Variants in ANKRD30BL observed in about 807,000 individuals in gnomAD.
ANKRD30BL encodes the protein ankyrin repeat domain 30B like.
A neutral mutation model predicts 18.4 loss-of-function variants in ANKRD30BL; 20 were observed. The ratio of observed to expected loss-of-function variants is 1.09; its 90% CI spans 0.77 to 1.58. The LOEUF is 1.58. ANKRD30BL is among the 40% of genes most tolerant of loss of function. The pLI, the probability that ANKRD30BL is intolerant of heterozygous loss-of-function variation, is 0.00. For synonymous variants in ANKRD30BL, 72 were observed against 100.9 expected, an observed-to-expected ratio of 0.71 and a Z score of 1.72; for missense variants, 224 against 268.6, an observed-to-expected ratio of 0.83 and a Z score of 1.16.
intron 1 of ANKRD30BL, among the ~76,000 whole-genome samples, chr2:132,185,033 C>T (rs1250199860): frequency 2.0e-5 from 3 of 152,064 alleles, no homozygotes; most frequent in Non-Finnish European, 4.4e-5. Flanking sequence ...AGGATGGACT[C>T]GATCTCCTGA....
intron 1 of ANKRD30BL, among the ~76,000 whole-genome samples, chr2:132,189,797 A>G (rs1384686984): frequency 6.6e-6 from 1 of 152,218 alleles, no homozygotes; most frequent in Non-Finnish European, 1.5e-5. Context: ...GTTCAGTTCA[A>G]TTTATAAATT....
In ANKRD30BL at chr2:132,224,083, G is replaced by A. The variant is rs570583025; in HGVS notation, n.441+33446C>T. 6.6e-4 allele frequency among the ~76,000 whole-genome samples: 101 copies of A among 152,172 alleles called. 1 individual carries two copies. Among genetic ancestry groups the A allele is most frequent in the Non-Finnish European group, 1.1e-3 (76 of 68,008 alleles). ...TTGAAACTCTCTTTTTTTAGAATCG[G>A]CAAGAGGATATTTGTGCTGTTTTGA... On this transcript the variant is annotated intron_variant and non_coding_transcript_variant, in intron 1 of 4. Coordinates refer to the ANKRD30BL transcript ENST00000470729.
intron 1 of ANKRD30BL, among the ~76,000 whole-genome samples, chr2:132,223,727 C>CT (rs1013339153): frequency 9.9e-5 from 15 of 151,986 alleles, no homozygotes; most frequent in Non-Finnish European, 1.9e-4. Context: ...TTGAAACACT[C>CT]TTTTTGCAGA....
At chr2:132,237,852 C>T (rs1243090366) in intron 1 of ANKRD30BL, among the ~76,000 whole-genome samples, 1 of 152,036 alleles carries the variant, frequency 6.6e-6, no homozygotes, top group African/African-American at 2.4e-5. Context: ...ACTTAACTCA[C>T]AGAGTTGAAC....
intron 1 of ANKRD30BL, among the ~76,000 whole-genome samples, chr2:132,209,555 TGTGATG>T (rs1342417953): frequency 1.3e-5 from 2 of 152,196 alleles, no homozygotes; most frequent in Non-Finnish European, 2.9e-5. Context: ...GAAACTTCTT[TGTGATG>T]TGTGCATTCA....
rs183115956 is a variant in ANKRD30BL at position 132,175,269 on chromosome 2, G to A, written n.442-18123C>T. 6.5e-3 allele frequency among the ~76,000 whole-genome samples: 994 copies of A among 151,842 alleles called. 9 individuals are homozygous for A. The highest frequency in any genetic ancestry group is 0.015 in the African/African-American group (611 of 41,374). ...CAGGGTGATAATAGGGAGAAGGTCA[G>A]CAAAAAAACATGTGAGCAGAAGAAT... On this transcript the variant is annotated intron_variant and non_coding_transcript_variant, in intron 1 of 4. Transcript: ENST00000470729.
At chr2:132,159,288 T>A (rs1229817029) in intron 1 of ANKRD30BL, among the ~76,000 whole-genome samples, 1 of 152,138 alleles carries the variant, frequency 6.6e-6, no homozygotes, top group Non-Finnish European at 1.5e-5. Flanking sequence ...TTTATAAAAG[T>A]CATTATATGA....
intron 1 of ANKRD30BL, among the ~76,000 whole-genome samples, chr2:132,233,304 C>T (rs1292006484): frequency 6.7e-6 from 1 of 149,822 alleles, no homozygotes; most frequent in Non-Finnish European, 1.5e-5. Flanking sequence ...CAGCTAACAT[C>T]ATAATGACAG....
At chr2:132,175,554 G>A (rs1688353200) in intron 1 of ANKRD30BL, among the ~76,000 whole-genome samples, 1 of 152,344 alleles carries the variant, frequency 6.6e-6, no homozygotes, top group African/African-American at 2.4e-5. Flanking sequence ...TCAACTGCAA[G>A]AGGCTTTCCT....
chr2:132,161,677 T>G lies in ANKRD30BL; in HGVS notation c.29A>C (p.Lys10Thr), dbSNP rs984324001. The change falls in exon 1 of 6, where the codon AAG (lysine) becomes ACG (threonine). Residue 10 changes from lysine (K) to threonine (T), a missense_variant. Around this residue, in one of 3 missense-constraint regions of ANKRD30BL, gnomAD observed 131 missense variants for 128.8 expected, o/e 1.02. Coordinates refer to ENST00000409867, the MANE Select transcript of ANKRD30BL (RefSeq NM_001358416.1). The part of the protein sequence containing the change: MERLSAAPV[K>T]GQTGPERPSP... ...CGGGCGCTCTGGGCCCGTCTGGCCC[T>G]TGACAGGGGCGGCAGAGAGCCTCTC... is the stretch of plus-strand genomic sequence containing the variant. 6.9e-7 allele frequency: 1 copy of G among 1,446,968 alleles called. No individual in the cohort carries two copies. 89.6% of individuals were successfully genotyped at this position (1,446,968 alleles called of 1,614,324 possible).
chr2:132,206,267 A>C (rs1161637222), intron 1 of ANKRD30BL, among the ~76,000 whole-genome samples: 1 of 152,216 alleles, frequency 6.6e-6, no homozygotes, highest in Non-Finnish European at 1.5e-5. Flanking sequence ...GATTGTGGCT[A>C]TAACTTGCTA....
intron 1 of ANKRD30BL, among the ~76,000 whole-genome samples, chr2:132,241,795 G>A (rs1293551180): frequency 2.0e-5 from 3 of 151,838 alleles, no homozygotes; most frequent in Admixed American, 6.6e-5. Flanking sequence ...CACTCTTTTT[G>A]TAGAATCTGC....
intron 1 of ANKRD30BL, among the ~76,000 whole-genome samples, chr2:132,236,702 G>A (rs886156876): frequency 6.6e-6 from 1 of 152,030 alleles, no homozygotes; most frequent in Non-Finnish European, 1.5e-5. Flanking sequence ...TCAACCATTA[G>A]GGAAGTCAGT....
At chr2:132,195,581 G>A (rs4542906) in intron 1 of ANKRD30BL, among the ~76,000 whole-genome samples, 1 of 151,424 alleles carries the variant, frequency 6.6e-6, no homozygotes, top group African/African-American at 2.4e-5. Context: ...ATCTGAGGTC[G>A]GGAGTTCAAG....
In ANKRD30BL at chr2:132,178,840, G is replaced by T. The variant is rs796465771; in HGVS notation, n.442-21694C>A. 3.3e-5 allele frequency among the ~76,000 whole-genome samples: 5 copies of T among 151,948 alleles called. No homozygotes were observed. The South Asian group carries it at 1.0e-3, about 32-fold the overall frequency. ...TGTTGGTACTATTAAACATGATAGG[G>T]GAAAATTGATGGGAATCAGTGACTA... On this transcript the variant is annotated intron_variant and non_coding_transcript_variant, in intron 1 of 4. Transcript: ENST00000470729.
chr2:132,183,458 A>G (rs1573822441), intron 1 of ANKRD30BL, among the ~76,000 whole-genome samples: 4 of 152,284 alleles, frequency 2.6e-5, no homozygotes, highest in East Asian at 3.9e-4. Context: ...CTTCATAAAT[A>G]TGACGTAAAA....
chr2:132,207,768 G>A (rs926906305), intron 1 of ANKRD30BL, among the ~76,000 whole-genome samples: 17 of 152,128 alleles, frequency 1.1e-4, no homozygotes, highest in Admixed American at 7.2e-4. Flanking sequence ...GTGGGAGTGT[G>A]TCAGGAGTAG....
chr2:132,228,309 G>A (rs74884865), intron 1 of ANKRD30BL, among the ~76,000 whole-genome samples: 1 of 151,594 alleles, frequency 6.6e-6, no homozygotes, highest in East Asian at 2.0e-4. Flanking sequence ...TTGGATGCAT[G>A]CGTTTATCTC....
At chr2:132,200,142 T>G (rs1679065686) in intron 1 of ANKRD30BL, among the ~76,000 whole-genome samples, 1 of 151,854 alleles carries the variant, frequency 6.6e-6, no homozygotes, top group Non-Finnish European at 1.5e-5. Flanking sequence ...TGGGACGTAT[T>G]TCAAAATAAT....
Sources: gnomAD v4.1 joint callset for allele counts (sites outside exome capture counted in the v4.1 genomes callset) on GRCh38, gnomAD v4.1.1 for gene constraint, gnomAD v4.1.1 regional missense constraint, MANE v1.5 for transcripts, NCBI Gene and HGNC (gene_info 2026-07-23, HGNC 2026-07-21) for gene names.